Variants in LSAMP observed in about 807,000 individuals in gnomAD.
The protein encoded by LSAMP is limbic system associated membrane protein, also known as limbic system-associated membrane protein.
LSAMP carries 7 observed loss-of-function variants against 38.6 expected under a neutral mutation model. The observed-to-expected ratio is 0.18, with a 90% CI of 0.10 to 0.34. LSAMP has a LOEUF of 0.34. LSAMP is among the 10% of genes least tolerant of loss of function. LSAMP has a pLI of 1.00. For missense variants in LSAMP, 313 were observed against 420.0 expected (o/e 0.75, Z 2.23); for synonymous variants, 154 against 166.8 (o/e 0.92, Z 0.59).
intron 1 of LSAMP, among the ~76,000 whole-genome samples, chr3:116,116,982 C>G (rs151265677): frequency 6.6e-6 from 1 of 152,068 alleles, no homozygotes; most frequent in African/African-American, 2.4e-5. Flanking sequence ...GTCAACACCA[C>G]GTCAAATAAA....
intron 1 of LSAMP, among the ~76,000 whole-genome samples, chr3:116,423,618 AAAAT>A (rs1272116126): frequency 2.0e-5 from 3 of 152,212 alleles, no homozygotes; most frequent in Non-Finnish European, 4.4e-5. Flanking sequence ...TCAGGAACAG[AAAAT>A]AAATACACTG....
chr3:116,343,037 A>G (rs2048017432), intron 1 of LSAMP, among the ~76,000 whole-genome samples: 2 of 152,270 alleles, frequency 1.3e-5, no homozygotes, highest in South Asian at 4.1e-4. Flanking sequence ...GTTTAGGAAC[A>G]AAGTAAGTAA....
chr3:116,268,857 A>G (rs2046931524), intron 1 of LSAMP, among the ~76,000 whole-genome samples: 1 of 152,068 alleles, frequency 6.6e-6, no homozygotes, highest in African/African-American at 2.4e-5. Flanking sequence ...TGGAGAATAG[A>G]AATGGAACTA....
chr3:115,831,926 C>T (rs921691596), intron 6 of LSAMP, among the ~76,000 whole-genome samples: 15 of 151,974 alleles, frequency 9.9e-5, no homozygotes, highest in Admixed American at 7.9e-4. Flanking sequence ...TTGGACACAG[C>T]CAATATAAAT....
At chr3:116,388,251 C>T (rs1247653538) in intron 1 of LSAMP, among the ~76,000 whole-genome samples, 1 of 152,166 alleles carries the variant, frequency 6.6e-6, no homozygotes, top group Admixed American at 6.5e-5. Context: ...TACATTGACC[C>T]TATTTTTCAG....
chr3:115,969,544 C>A (rs114674225), intron 3 of LSAMP, among the ~76,000 whole-genome samples: 9 of 151,980 alleles, frequency 5.9e-5, no homozygotes, highest in African/African-American at 1.9e-4. Flanking sequence ...ACCCTTCTGG[C>A]GAAAAAATTC....
intron 3 of LSAMP, among the ~76,000 whole-genome samples, chr3:115,972,532 G>C (rs1175742347): frequency 6.6e-6 from 1 of 151,158 alleles, no homozygotes; most frequent in Non-Finnish European, 1.5e-5. Flanking sequence ...ATTTTGTCAG[G>C]GGAATAAACT....
chr3:116,415,314 CA>C (rs977537707), intron 1 of LSAMP, among the ~76,000 whole-genome samples: 2 of 151,790 alleles, frequency 1.3e-5, no homozygotes, highest in East Asian at 1.9e-4. Flanking sequence ...TAGACTTGTT[CA>C]AAAAAATGGT....
At chr3:115,880,991 G>A (rs1936306487) in intron 3 of LSAMP, among the ~76,000 whole-genome samples, 1 of 151,660 alleles carries the variant, frequency 6.6e-6, no homozygotes, top group Non-Finnish European at 1.5e-5. Context: ...TGAACCGATT[G>A]TGCCACTGCA....
chr3:116,190,465 A>T (rs1710730655), intron 1 of LSAMP, among the ~76,000 whole-genome samples: 1 of 152,110 alleles, frequency 6.6e-6, no homozygotes, highest in East Asian at 1.9e-4. Flanking sequence ...ATTTTCCCCA[A>T]CACTAACAGT....
At chr3:115,810,527 C>T in intron 6 of LSAMP, 113 bp from the exon 7 acceptor site, 1 of 730,048 alleles carries the variant, frequency 1.4e-6, no homozygotes, top group Non-Finnish European at 2.4e-6. Context: ...ACTAGCATCT[C>T]AAAGTTACTG....
chr3:115,956,211 A>G (rs576337051), intron 3 of LSAMP, among the ~76,000 whole-genome samples: 3 of 151,680 alleles, frequency 2.0e-5, no homozygotes, highest in African/African-American at 7.3e-5. Context: ...AAGACTTGGG[A>G]AAGCACTAGG....
intron 1 of LSAMP, among the ~76,000 whole-genome samples, chr3:116,181,204 A>T (rs186198351): frequency 6.6e-6 from 1 of 152,184 alleles, no homozygotes; most frequent in East Asian, 1.9e-4. Flanking sequence ...ACAAATTTGA[A>T]AAATTCATAC....
At chr3:116,166,777 T>G (rs922062423) in intron 1 of LSAMP, among the ~76,000 whole-genome samples, 9 of 145,396 alleles carry the variant, frequency 6.2e-5, no homozygotes, top group Admixed American at 2.8e-4. Context: ...AAATTTTTAG[T>G]TTTTTTTTTG....
At chr3:116,238,148 T>C (rs1280229763) in intron 1 of LSAMP, among the ~76,000 whole-genome samples, 1 of 152,178 alleles carries the variant, frequency 6.6e-6, no homozygotes, top group Admixed American at 6.5e-5. Flanking sequence ...ATGTATTTAC[T>C]ATGAACACCT....
chr3:115,846,517 TAG>T (rs1284062683), intron 4 of LSAMP, among the ~76,000 whole-genome samples: 1 of 152,198 alleles, frequency 6.6e-6, no homozygotes, highest in African/African-American at 2.4e-5. Flanking sequence ...TAATAGGTTT[TAG>T]ATATCCTCTT....
chr3:115,917,262 A>G (rs1044952266), intron 3 of LSAMP, among the ~76,000 whole-genome samples: 1 of 152,218 alleles, frequency 6.6e-6, no homozygotes, highest in Non-Finnish European at 1.5e-5. Context: ...ACTTGCTTCC[A>G]TACTTCTTAC....
At chr3:116,156,597 C>T (rs1004899963) in intron 1 of LSAMP, among the ~76,000 whole-genome samples, 1 of 152,054 alleles carries the variant, frequency 6.6e-6, no homozygotes, top group African/African-American at 2.4e-5. Flanking sequence ...CAAAGTGCTA[C>T]ATTTTTTCTG....
At chr3:115,856,854 G>A (rs1935524123) in intron 3 of LSAMP, among the ~76,000 whole-genome samples, 1 of 152,126 alleles carries the variant, frequency 6.6e-6, no homozygotes. Context: ...TAACCTGAAT[G>A]GACTGAGATA....
Sources: gnomAD v4.1 joint callset for allele counts (sites outside exome capture counted in the v4.1 genomes callset) on GRCh38, gnomAD v4.1.1 for gene constraint, MANE v1.5 for transcripts, NCBI Gene and HGNC (gene_info 2026-07-23, HGNC 2026-07-21) for gene names.